DTWD2: variants seen among roughly 807,000 people sequenced by gnomAD.
DTWD2 encodes DTW motif tRNA-uridine aminocarboxypropyltransferase 2.
A neutral mutation model predicts 31.8 loss-of-function variants in DTWD2; 39 were observed. The observed-to-expected ratio is 1.22, with a 90% confidence interval of 0.95 to 1.60. The LOEUF is 1.60. Among genes scored for constraint, DTWD2 ranks in the 40% most tolerant of loss-of-function variants. The pLI is 0.00. For synonymous variants in DTWD2, 180 were observed against 142.8 expected, an observed-to-expected ratio of 1.26 and a Z score of -1.86; for missense variants, 515 against 381.5, an observed-to-expected ratio of 1.35 and a Z score of -2.92.
chr5:118,973,938 C>A, intron 1 of DTWD2: 2 of 1,592,200 alleles, frequency 1.3e-6, no homozygotes, highest in Non-Finnish European at 1.7e-6. Flanking sequence ...GAGCAGGAGG[C>A]TGACAATGAG....
chr5:118,883,364 T>TTC (rs2149555597), intron 4 of DTWD2, among the ~76,000 whole-genome samples: 1 of 152,334 alleles, frequency 6.6e-6, no homozygotes, highest in South Asian at 2.1e-4. Flanking sequence ...TCCTGTCTTT[T>TTC]TCTGAGCCCT....
chr5:118,850,523 G>T (rs867952960), intron 4 of DTWD2, among the ~76,000 whole-genome samples: 3 of 137,274 alleles, frequency 2.2e-5, no homozygotes, highest in African/African-American at 8.0e-5. Flanking sequence ...AATTCAAGAT[G>T]GATTAAAGAT....
intron 1 of DTWD2, among the ~76,000 whole-genome samples, chr5:118,947,459 G>A (rs897316953): frequency 3.3e-5 from 5 of 152,248 alleles, no homozygotes; most frequent in Middle Eastern, 3.4e-3. Flanking sequence ...TGGACTCTCC[G>A]AAGCAACAGC....
rs1751641166 is a variant in DTWD2, at chr5:118,838,981, T to G, written c.*1936A>C. 1 of 151,842 alleles carries G rather than the reference T, an allele frequency of 6.6e-6. No individual in the cohort carries two copies. The highest frequency in any genetic ancestry group is 2.4e-5 in the African/African-American group (1 of 41,294). 9.4% of individuals were successfully genotyped at this position (151,842 alleles called of 1,614,324 possible). On this transcript the variant is annotated 3_prime_UTR_variant, in exon 6 of 6. Coordinates refer to ENST00000510708, the MANE Select transcript of DTWD2 (RefSeq NM_173666.4). ...ATCGAGACCATCCTGGCTAATACGG[T>G]GAAACCCCATCTCTACTAAAAATAC... is the stretch of plus-strand genomic sequence containing the variant.
intron 4 of DTWD2, among the ~76,000 whole-genome samples, chr5:118,852,007 G>C (rs1324519726): frequency 6.6e-6 from 1 of 152,142 alleles, no homozygotes. Context: ...GACACTCCCA[G>C]AGTGGCGGTT....
chr5:118,940,865 AGTT>A (rs1224251818), intron 2 of DTWD2, among the ~76,000 whole-genome samples: 8 of 152,200 alleles, frequency 5.3e-5, no homozygotes, highest in Non-Finnish European at 1.0e-4. Flanking sequence ...TAATATTATT[AGTT>A]AAGTCAATAA....
chr5:118,927,785 A>G (rs1753841563), intron 4 of DTWD2, among the ~76,000 whole-genome samples: 1 of 152,180 alleles, frequency 6.6e-6, no homozygotes, highest in African/African-American at 2.4e-5. Flanking sequence ...GATTTCACCA[A>G]TGAGTTCCAT....
intron 1 of DTWD2, among the ~76,000 whole-genome samples, chr5:118,948,761 C>G (rs1754395569): frequency 6.6e-6 from 1 of 151,984 alleles, no homozygotes; most frequent in Admixed American, 6.6e-5. Context: ...TTAGGGAGAG[C>G]TAGTGTGGAA....
intron 5 of DTWD2, among the ~76,000 whole-genome samples, chr5:118,841,988 C>T (rs1471342296): frequency 6.6e-6 from 1 of 151,808 alleles, no homozygotes; most frequent in Non-Finnish European, 1.5e-5. Context: ...ATGTATTAAC[C>T]CACAAAGAAA....
Position 118,988,475 on chromosome 5 carries a change from G to A in DTWD2, c.37C>T (p.Pro13Ser). Residue 13 changes from proline to serine, a missense_variant, in exon 1 of 6, where the codon CCC becomes TCC. Coordinates refer to ENST00000510708, the MANE Select transcript of DTWD2 (RefSeq NM_173666.4). ...GAGGCCCCAGAAGGCCGCGCAACGG[G>A]CTCCTGGAGTGTTCGTGCCTCTTTC... ...SQKEARTLQE[P>S]VARPSGASSS... The A allele has an allele frequency of 1.2e-6, 2 of 1,601,868 alleles. No individual in the cohort carries two copies. The highest frequency in any genetic ancestry group is 2.3e-5 in the East Asian group (1 of 43,760).
chr5:118,913,195 C>G (rs1329343656), intron 4 of DTWD2, among the ~76,000 whole-genome samples: 1 of 151,944 alleles, frequency 6.6e-6, no homozygotes, highest in Non-Finnish European at 1.5e-5. Flanking sequence ...CTAATTGTCC[C>G]TAGCTTAGAA....
At chr5:118,958,723 A>G (rs191672267) in intron 1 of DTWD2, among the ~76,000 whole-genome samples, 198 of 152,308 alleles carry the variant, frequency 1.3e-3, no homozygotes, top group African/African-American at 4.2e-3. Flanking sequence ...AACCGAATCC[A>G]GCAGCACATC....
chr5:118,915,392 T>C (rs1041459981), intron 4 of DTWD2, among the ~76,000 whole-genome samples: 1 of 148,160 alleles, frequency 6.7e-6, no homozygotes, highest in Non-Finnish European at 1.5e-5. Flanking sequence ...TTTTTTTTTT[T>C]CAGACAGAGT....
chr5:118,863,138 T>C (rs1025412443), intron 4 of DTWD2, among the ~76,000 whole-genome samples: 1 of 152,208 alleles, frequency 6.6e-6, no homozygotes, highest in Non-Finnish European at 1.5e-5. Context: ...ATAACACAAG[T>C]GGACACTGCG....
chr5:118,909,343 T>G (rs1753408214), intron 4 of DTWD2, among the ~76,000 whole-genome samples: 1 of 152,174 alleles, frequency 6.6e-6, no homozygotes, highest in South Asian at 2.1e-4. Context: ...CAAGTGTTCA[T>G]AATCATGAAC....
intron 5 of DTWD2, among the ~76,000 whole-genome samples, chr5:118,841,711 G>A (rs903631815): frequency 2.0e-5 from 3 of 151,974 alleles, no homozygotes; most frequent in Non-Finnish European, 4.4e-5. Flanking sequence ...CAAGCCAACA[G>A]AGAATAGTGG....
intron 5 of DTWD2, among the ~76,000 whole-genome samples, chr5:118,842,376 T>C (rs551873477): frequency 2.0e-5 from 3 of 152,322 alleles, no homozygotes; most frequent in South Asian, 2.1e-4. Flanking sequence ...TTAGCAGGCA[T>C]AGGTTTTTGT....
intron 1 of DTWD2, among the ~76,000 whole-genome samples, chr5:118,952,787 G>A (rs1442147782): frequency 6.6e-6 from 1 of 152,182 alleles, no homozygotes; most frequent in Non-Finnish European, 1.5e-5. Context: ...TTTAAGTACA[G>A]TATCCAACCA....
chr5:118,955,924 T>A (rs1250123531), intron 1 of DTWD2, among the ~76,000 whole-genome samples: 1 of 152,206 alleles, frequency 6.6e-6, no homozygotes, highest in Non-Finnish European at 1.5e-5. Context: ...TTAATCAAGC[T>A]ACTTCTAGAA....
Sources: gnomAD v4.1 joint callset for allele counts (sites outside exome capture counted in the v4.1 genomes callset) on GRCh38, gnomAD v4.1.1 for gene constraint, MANE v1.5 for transcripts, NCBI Gene and HGNC (gene_info 2026-07-23, HGNC 2026-07-21) for gene names.